Variants in PLXNA4 observed in about 807,000 individuals in gnomAD.
The protein encoded by PLXNA4 is plexin A4.
A neutral mutation model predicts 191.8 loss-of-function variants in PLXNA4; 44 were observed. The ratio of observed to expected loss-of-function variants is 0.23; its 90% CI spans 0.18 to 0.29. The LOEUF (loss-of-function observed/expected upper bound fraction) is 0.29, where lower values mean the gene tolerates loss of function less well. Among genes scored for constraint, PLXNA4 ranks in the 10% least tolerant of loss-of-function variants. PLXNA4 has a pLI of 1.00. For missense variants in PLXNA4, 1,800 were observed against 2,488.8 expected (o/e 0.72, Z 5.89); for synonymous variants, 1,082 against 1,009.5 (o/e 1.07, Z -1.36).
At chr7:132,245,421 CTGTGCTTGGGGAGAAGGAT>C (rs1315033227) in intron 4 of PLXNA4, among the ~76,000 whole-genome samples, 1 of 152,234 alleles carries the variant, frequency 6.6e-6, no homozygotes, top group African/African-American at 2.4e-5. Flanking sequence ...TGTGCATAAA[CTGTGCTTGGGGAGAAGGAT>C]TGTGTGCAGG....
chr7:132,292,139 T>A (rs956028430), intron 4 of PLXNA4, among the ~76,000 whole-genome samples: 148 of 152,296 alleles, frequency 9.7e-4, no homozygotes, highest in African/African-American at 3.3e-3. Context: ...AGTTAGTTGA[T>A]CTCTCTGGAT....
At chr7:132,472,439 G>A (rs542616861) in intron 3 of PLXNA4, among the ~76,000 whole-genome samples, 1 of 152,290 alleles carries the variant, frequency 6.6e-6, no homozygotes, top group Middle Eastern at 3.4e-3. Context: ...GGGCACAAAT[G>A]CAAATCTTTA....
chr7:132,149,061 G>T (rs1049365308), intron 25 of PLXNA4, among the ~76,000 whole-genome samples: 2 of 152,308 alleles, frequency 1.3e-5, no homozygotes, highest in Non-Finnish European at 2.9e-5. Flanking sequence ...TAGAGCTGAT[G>T]AAATCAAGGC....
chr7:132,562,930 CCCTCCTCCTCT>C (rs1801322315), intron 1 of PLXNA4, among the ~76,000 whole-genome samples: 1 of 7,926 alleles, frequency 1.3e-4, no homozygotes, highest in Non-Finnish European at 2.6e-4. Context: ...CTCCTCCTCT[CCCTCCTCCTCT>C]CCCTCCTCCT....
chr7:132,562,211 C>A (rs1801200355), intron 1 of PLXNA4, among the ~76,000 whole-genome samples: 1 of 130,372 alleles, frequency 7.7e-6, no homozygotes, highest in Non-Finnish European at 1.6e-5. Flanking sequence ...TCCTTCTCCT[C>A]CTCCTTCTCT....
chr7:132,308,177 T>C (rs927919210), intron 3 of PLXNA4, among the ~76,000 whole-genome samples: 1 of 151,732 alleles, frequency 6.6e-6, no homozygotes, highest in Non-Finnish European at 1.5e-5. Context: ...CAGGAAAAGG[T>C]TCAAACCAGC....
chr7:132,388,269 G>A (rs963993283), intron 3 of PLXNA4, among the ~76,000 whole-genome samples: 4 of 151,938 alleles, frequency 2.6e-5, no homozygotes, highest in East Asian at 1.9e-4. Flanking sequence ...ACTTCGATCC[G>A]ACTTCCATAG....
intron 3 of PLXNA4, among the ~76,000 whole-genome samples, chr7:132,349,232 C>T (rs938272727): frequency 8.5e-5 from 13 of 152,136 alleles, no homozygotes; most frequent in African/African-American, 2.4e-5. Context: ...CCAGGAGCTG[C>T]CAAAGAAGTT....
At chr7:132,467,381 T>C (rs1234711958) in intron 3 of PLXNA4, among the ~76,000 whole-genome samples, 1 of 151,996 alleles carries the variant, frequency 6.6e-6, no homozygotes, top group Non-Finnish European at 1.5e-5. Flanking sequence ...GGGCCAGAGG[T>C]ATTTGCTGTC....
At chr7:132,445,451 CT>C (rs1056014147) in intron 3 of PLXNA4, among the ~76,000 whole-genome samples, 56 of 151,554 alleles carry the variant, frequency 3.7e-4, no homozygotes, top group African/African-American at 1.4e-3. Flanking sequence ...GGTCTTCCCC[CT>C]GAAAGCATCT....
At position 132,125,767 on chromosome 7, in the gene PLXNA4, C is replaced by G. The variant is rs191156216; in HGVS notation, c.*4712G>C. 6.6e-6 allele frequency: 1 copy of G among 152,024 alleles called. No homozygotes were observed. Among genetic ancestry groups the G allele is most frequent in the Non-Finnish European group, 1.5e-5 (1 of 68,116 alleles). The allele number at this position is 152,024 out of a possible 1,614,324, so 9.4% of individuals were successfully genotyped here. On this transcript the variant is annotated 3_prime_UTR_variant, in exon 32 of 32. Transcript: ENST00000321063. ...TGGGGCATGGGGAGAAGCCAGGGCACGGAGCTGCCTGGGGTAGGTCTTCTC... is the reference window on the plus strand; with the variant it reads ...TGGGGCATGGGGAGAAGCCAGGGCAGGGAGCTGCCTGGGGTAGGTCTTCTC...
At position 132,132,483 on chromosome 7, in the gene PLXNA4, C is replaced by CTTTCTATTCTATTCTAT. The variant is rs1563048449; in HGVS notation, c.5589+565_5589+566insATAGAATAGAATAGAAA. ...TTCTGTTCTGCTCTGCTCTGCTCTG[C>CTTTCTATTCTATTCTAT]TCTGCTCTATTCTTTTCTATTCTAT... On this transcript the variant is annotated intron_variant, in intron 31 of 31. Transcript: ENST00000321063. Among the ~76,000 whole-genome samples, 23 of 80,834 alleles carry CTTTCTATTCTATTCTAT rather than the reference C, an allele frequency of 2.8e-4. 1 individual carries two copies. The highest frequency in any genetic ancestry group is 5.9e-4 in the African/African-American group (13 of 22,106). The allele number at this position is 80,834 out of a possible 152,430, so 53.0% of individuals were successfully genotyped here.
chr7:132,320,901 G>C (rs1802134627), intron 3 of PLXNA4, among the ~76,000 whole-genome samples: 1 of 152,172 alleles, frequency 6.6e-6, no homozygotes, highest in Non-Finnish European at 1.5e-5. Context: ...CCTAAATTTT[G>C]AGAATGACTG....
At chr7:132,342,386 T>C (rs1262061720) in intron 3 of PLXNA4, among the ~76,000 whole-genome samples, 1 of 151,934 alleles carries the variant, frequency 6.6e-6, no homozygotes, top group Non-Finnish European at 1.5e-5. Context: ...CAGATTCATC[T>C]TGGCTATAAA....
intron 4 of PLXNA4, among the ~76,000 whole-genome samples, chr7:132,289,543 T>A (rs1011810897): frequency 1.3e-5 from 2 of 152,190 alleles, no homozygotes; most frequent in Admixed American, 6.5e-5. Flanking sequence ...TTATTTATTT[T>A]TTTTTTAGAG....
chr7:132,539,003 A>G (rs767228124), intron 1 of PLXNA4, among the ~76,000 whole-genome samples: 1 of 152,198 alleles, frequency 6.6e-6, no homozygotes, highest in Non-Finnish European at 1.5e-5. Context: ...AATAACTCAC[A>G]TCTTCTATGA....
upstream of PLXNA4, among the ~76,000 whole-genome samples, chr7:132,579,195 G>A (rs1802352832): frequency 6.6e-6 from 1 of 152,080 alleles, no homozygotes; most frequent in South Asian, 2.1e-4. Flanking sequence ...TGACAGCCCG[G>A]ATAGCCCCAT....
chr7:132,142,770 C>T (rs753746149), intron 29 of PLXNA4, among the ~76,000 whole-genome samples: 4 of 152,224 alleles, frequency 2.6e-5, no homozygotes, highest in South Asian at 2.1e-4. Context: ...CAGCTGGGCT[C>T]AGAGCCCTGA....
intron 4 of PLXNA4, among the ~76,000 whole-genome samples, chr7:132,296,806 G>T (rs1801099380): frequency 6.6e-6 from 1 of 151,938 alleles, no homozygotes; most frequent in African/African-American, 2.4e-5. Flanking sequence ...CAGACAAATG[G>T]GAAGCCTCGT....
Sources: gnomAD v4.1 joint callset for allele counts (sites outside exome capture counted in the v4.1 genomes callset) on GRCh38, gnomAD v4.1.1 for gene constraint, MANE v1.5 for transcripts, NCBI Gene and HGNC (gene_info 2026-07-23, HGNC 2026-07-21) for gene names.